The following RPS6KA2 variants were observed in gnomAD, a reference collection of about 807,000 sequenced individuals.
The protein encoded by RPS6KA2 is ribosomal protein S6 kinase A2.
RPS6KA2 carries 42 observed loss-of-function variants against 91.8 expected under a neutral mutation model. The observed-to-expected ratio is 0.46, with a 90% CI of 0.36 to 0.59. The LOEUF is 0.59. Ranked by LOEUF, RPS6KA2 falls within the 20% of genes least tolerant of loss-of-function variation. RPS6KA2 has a pLI of 0.00. For missense variants in RPS6KA2, 798 were observed against 978.5 expected (o/e 0.82, Z 2.46); for synonymous variants, 414 against 393.6 (o/e 1.05, Z -0.61).
intron 3 of RPS6KA2, among the ~76,000 whole-genome samples, chr6:166,513,240 G>C (rs545181055): frequency 6.6e-6 from 1 of 152,306 alleles, no homozygotes; most frequent in Non-Finnish European, 1.5e-5. Flanking sequence ...CACCCAGCAG[G>C]CAGTGCTGTG....
rs572491155 is a variant in RPS6KA2 at position 166,461,809 on chromosome 6, C to A, written c.973-2258G>T. Among the ~76,000 whole-genome samples, 418 of 152,370 alleles carry A rather than the reference C, an allele frequency of 2.7e-3. 3 individuals carry two copies. The highest frequency in any genetic ancestry group is 8.9e-3 in the African/African-American group (372 of 41,596). ...ACATGGCCCCTCTAGCTCCTCTCCT[C>A]CGTGCCAGCTCTTCCTCCATCATCC... On this transcript the variant is annotated intron_variant, in intron 11 of 20. Coordinates refer to ENST00000265678, the MANE Select transcript of RPS6KA2 (RefSeq NM_021135.6).
At chr6:166,783,466 A>G (rs1323813394) in intron 2 of RPS6KA2, among the ~76,000 whole-genome samples, 1 of 152,028 alleles carries the variant, frequency 6.6e-6, no homozygotes, top group Non-Finnish European at 1.5e-5. Context: ...CAGCCCCACA[A>G]TTGTGTGAGC....
chr6:166,670,257 G>C (rs1788434645), intron 2 of RPS6KA2, among the ~76,000 whole-genome samples: 1 of 152,222 alleles, frequency 6.6e-6, no homozygotes, highest in Admixed American at 6.5e-5. Context: ...CCTGGTGAGA[G>C]GTCCATGTGG....
intron 2 of RPS6KA2, among the ~76,000 whole-genome samples, chr6:166,824,687 ATG>A (rs1562458380): frequency 2.3e-5 from 3 of 129,916 alleles, no homozygotes; most frequent in East Asian, 2.3e-4. Context: ...GTGTGTCTAC[ATG>A]TGTGTCTGTG....
At chr6:166,679,764 C>T (rs1237729251) in intron 2 of RPS6KA2, among the ~76,000 whole-genome samples, 11 of 152,290 alleles carry the variant, frequency 7.2e-5, no homozygotes, top group South Asian at 2.1e-4. Context: ...GTGGAGGGAG[C>T]GGCGCGGGCG....
At chr6:166,718,408 A>C (rs534654622) in intron 2 of RPS6KA2, among the ~76,000 whole-genome samples, 1 of 152,338 alleles carries the variant, frequency 6.6e-6, no homozygotes, top group African/African-American at 2.4e-5. Flanking sequence ...CTAATCCATC[A>C]GGAAGGCAGA....
In RPS6KA2 at chr6:166,471,552, A is replaced by G. The variant is rs1780770096; in HGVS notation, c.908-1647T>C. On this transcript the variant is annotated intron_variant, in intron 10 of 20. Transcript: ENST00000265678. ...TATTCACACTTTGACGTGAAAGTCCATCTAGAAGGAATTAGAGGAAGGGCA... is the reference window on the plus strand; with the variant it reads ...TATTCACACTTTGACGTGAAAGTCCGTCTAGAAGGAATTAGAGGAAGGGCA... 2.0e-5 allele frequency among the ~76,000 whole-genome samples: 3 copies of G among 152,252 alleles called. No individual in the cohort carries two copies. In the South Asian group the frequency reaches 6.2e-4, roughly 31 times the overall value.
intron 2 of RPS6KA2, among the ~76,000 whole-genome samples, chr6:166,647,494 C>T (rs1287767593): frequency 6.6e-6 from 1 of 152,164 alleles, no homozygotes; most frequent in Non-Finnish European, 1.5e-5. Flanking sequence ...CCCTTCCCTA[C>T]TCTACACCGT....
chr6:166,622,895 T>G (rs1000730995), intron 1 of RPS6KA2, among the ~76,000 whole-genome samples: 5 of 152,256 alleles, frequency 3.3e-5, no homozygotes, highest in Admixed American at 3.3e-4. Context: ...TGTTAGACAT[T>G]AAGCTCACTG....
intron 1 of RPS6KA2, among the ~76,000 whole-genome samples, chr6:166,591,668 G>A (rs957664341): frequency 6.6e-6 from 1 of 152,228 alleles, no homozygotes; most frequent in African/African-American, 2.4e-5. Context: ...GGGCGTTGGA[G>A]AGAGCTTGGT....
intron 11 of RPS6KA2, among the ~76,000 whole-genome samples, chr6:166,462,581 G>A (rs1780358018): frequency 1.3e-5 from 2 of 152,214 alleles, no homozygotes; most frequent in South Asian, 2.1e-4. Context: ...GCGCCTGGGG[G>A]CTGGGCTCAG....
intron 2 of RPS6KA2, among the ~76,000 whole-genome samples, chr6:166,808,391 AG>A (rs1779545566): frequency 6.6e-6 from 1 of 152,140 alleles, no homozygotes; most frequent in Non-Finnish European, 1.5e-5. Context: ...TCTACTCCTC[AG>A]TGAGTGTGAG....
At chr6:166,674,003 AAGCGTGTCAAC>A (rs1788552064) in intron 2 of RPS6KA2, among the ~76,000 whole-genome samples, 1 of 152,342 alleles carries the variant, frequency 6.6e-6, no homozygotes, top group South Asian at 2.1e-4. Context: ...TATCTTCACA[AAGCGTGTCAAC>A]AGCCCTGAAG....
chr6:166,550,826 C>A (rs1045346218), intron 1 of RPS6KA2, among the ~76,000 whole-genome samples: 5 of 151,882 alleles, frequency 3.3e-5, no homozygotes, highest in East Asian at 1.9e-4. Flanking sequence ...CACGGTGAAA[C>A]CCCGTCTCTA....
intron 2 of RPS6KA2, among the ~76,000 whole-genome samples, chr6:166,807,367 C>T (rs1230899808): frequency 6.6e-6 from 1 of 152,166 alleles, no homozygotes; most frequent in Non-Finnish European, 1.5e-5. Flanking sequence ...CTCTGCCTTC[C>T]AAATATACCC....
At chr6:166,498,677 G>C (rs1781888022) in intron 7 of RPS6KA2, 27 bp from the exon 8 acceptor site, 1 of 1,612,200 alleles carries the variant, frequency 6.2e-7, no homozygotes, top group Non-Finnish European at 8.5e-7. Context: ...CACACACACT[G>C]CCTCAGTCTC....
In RPS6KA2 at chr6:166,665,197, A is replaced by G. The variant is rs988111307; in HGVS notation, c.124-126413T>C. Among the ~76,000 whole-genome samples the G allele has an allele frequency of 6.6e-6, 1 of 152,154 alleles. No individual in the cohort carries two copies. The highest frequency in any genetic ancestry group is 6.5e-5 in the Admixed American group (1 of 15,272). On this transcript the variant is annotated intron_variant, in intron 2 of 21. Transcript: ENST00000503859. This position sits in a 1 kb window ranked among gnomAD's most constrained non-coding sequence, Gnocchi z 4.5. ...ATCTGCAGGGCTCACAGACAGAGGAATGCCCCCCAAGATACTAACTCAGGT... is the reference window on the plus strand; with the variant it reads ...ATCTGCAGGGCTCACAGACAGAGGAGTGCCCCCCAAGATACTAACTCAGGT...
At chr6:166,816,519 C>T (rs1046364443) in intron 2 of RPS6KA2, among the ~76,000 whole-genome samples, 3 of 150,998 alleles carry the variant, frequency 2.0e-5, no homozygotes, top group African/African-American at 7.3e-5. Context: ...CACGCCACTG[C>T]ACTCCAGCCT....
chr6:166,615,359 C>T (rs942799270), intron 1 of RPS6KA2, among the ~76,000 whole-genome samples: 1 of 152,196 alleles, frequency 6.6e-6, no homozygotes, highest in Admixed American at 6.5e-5. Context: ...ATTTTGGTCA[C>T]AGGTCACAAA....
Sources: gnomAD v4.1 joint callset for allele counts (sites outside exome capture counted in the v4.1 genomes callset) on GRCh38, gnomAD v4.1.1 for gene constraint, Gnocchi (gnomAD v3.1) non-coding constraint, MANE v1.5 for transcripts, NCBI Gene and HGNC (gene_info 2026-07-23, HGNC 2026-07-21) for gene names.